Variants in DDAH1 observed in about 807,000 individuals in gnomAD.
DDAH1 encodes N(G),N(G)-dimethylarginine dimethylaminohydrolase 1.
A neutral mutation model predicts 28.8 loss-of-function variants in DDAH1; 19 were observed. That is an observed-to-expected ratio of 0.66 (90% CI 0.46 to 0.97). DDAH1 has a LOEUF of 0.97. Ranked by LOEUF, DDAH1 falls within the 50% of genes least tolerant of loss-of-function variation. The pLI, the probability that DDAH1 is intolerant of heterozygous loss-of-function variation, is 0.00. For synonymous variants in DDAH1, 153 were observed against 154.4 expected, an observed-to-expected ratio of 0.99 and a Z score of 0.07; for missense variants, 326 against 375.9, an observed-to-expected ratio of 0.87 and a Z score of 1.10.
chr1:85,454,960 C>A (rs574204342), intron 1 of DDAH1, among the ~76,000 whole-genome samples: 7 of 152,292 alleles, frequency 4.6e-5, no homozygotes, highest in Admixed American at 4.6e-4. Flanking sequence ...AACCTTTCGA[C>A]TAGGGCCCTT....
At chr1:85,532,560 T>G (rs1658127206) in intron 1 of DDAH1, among the ~76,000 whole-genome samples, 1 of 151,918 alleles carries the variant, frequency 6.6e-6, no homozygotes, top group African/African-American at 2.4e-5. Flanking sequence ...ACCTAGATTA[T>G]CTTATTTCAC....
intron 1 of DDAH1, among the ~76,000 whole-genome samples, chr1:85,461,964 C>A (rs1171325035): frequency 6.6e-6 from 1 of 152,078 alleles, no homozygotes; most frequent in East Asian, 1.9e-4. Context: ...ATAACCCTGG[C>A]CAATTTATTT....
intron 1 of DDAH1, among the ~76,000 whole-genome samples, chr1:85,386,712 G>A (rs1056995696): frequency 5.3e-5 from 8 of 152,242 alleles, no homozygotes; most frequent in African/African-American, 1.9e-4. Context: ...CTCTGTGTAG[G>A]GGGCTTTTAC....
intron 1 of DDAH1, among the ~76,000 whole-genome samples, chr1:85,513,765 C>T (rs1205713670): frequency 5.3e-5 from 8 of 152,234 alleles, no homozygotes; most frequent in Non-Finnish European, 1.0e-4. Flanking sequence ...CTCATCATCA[C>T]TGGTCATCAG....
At chr1:85,466,660 T>G (rs1655392498), upstream of DDAH1, among the ~76,000 whole-genome samples, 1 of 152,240 alleles carries the variant, frequency 6.6e-6, no homozygotes, top group East Asian at 1.9e-4. Context: ...AGCAAAATTC[T>G]TAGGGGATCC....
At chr1:85,393,220 C>T (rs1432146319) in intron 1 of DDAH1, among the ~76,000 whole-genome samples, 1 of 152,058 alleles carries the variant, frequency 6.6e-6, no homozygotes, top group Non-Finnish European at 1.5e-5. Flanking sequence ...CTTAAAATAC[C>T]CCTCTGAAGG....
intron 1 of DDAH1, among the ~76,000 whole-genome samples, chr1:85,359,329 G>A (rs1019163170): frequency 3.9e-5 from 6 of 152,092 alleles, no homozygotes; most frequent in Non-Finnish European, 4.4e-5. Flanking sequence ...AGGCTGACTA[G>A]TTAGGGCACA....
At chr1:85,415,224 CAGA>C (rs1477191188) in intron 1 of DDAH1, among the ~76,000 whole-genome samples, 1 of 151,982 alleles carries the variant, frequency 6.6e-6, no homozygotes, top group East Asian at 1.9e-4. Flanking sequence ...CTATGTTGGC[CAGA>C]ATGGTCTCAA....
intron 1 of DDAH1, among the ~76,000 whole-genome samples, chr1:85,575,118 C>T (rs1659565974): frequency 1.3e-5 from 2 of 152,112 alleles, no homozygotes; most frequent in Admixed American, 1.3e-4. Flanking sequence ...GTAGTCCCAG[C>T]TACTCAGGAG....
At chr1:85,481,091 G>GTTTTT (rs779581650) in intron 2 of DDAH1, among the ~76,000 whole-genome samples, 3 of 92,010 alleles carry the variant, frequency 3.3e-5, no homozygotes, top group African/African-American at 9.2e-5. Context: ...ATTTCTTTGG[G>GTTTTT]TTTTTTGTTT....
At chr1:85,420,414 A>ATGAGCATAGGC (rs1553132763) in intron 1 of DDAH1, among the ~76,000 whole-genome samples, 1 of 152,194 alleles carries the variant, frequency 6.6e-6, no homozygotes, top group Non-Finnish European at 1.5e-5. Flanking sequence ...GCTCCTGCAT[A>ATGAGCATAGGC]TGAGCATAGG....
chr1:85,404,677 C>T (rs888086522), intron 1 of DDAH1: 22 of 412,992 alleles, frequency 5.3e-5, no homozygotes, highest in African/African-American at 3.1e-4. Flanking sequence ...AATAGCTTTT[C>T]CGTTCTTGGT....
chr1:85,394,837 A>G (rs1382829107), intron 1 of DDAH1, among the ~76,000 whole-genome samples: 1 of 152,242 alleles, frequency 6.6e-6, no homozygotes, highest in African/African-American at 2.4e-5. Context: ...ATTAAGTAAC[A>G]TTCCTGAAAT....
At position 85,535,465 on chromosome 1, in the gene DDAH1, G is replaced by A. The variant is rs533281769; in HGVS notation, c.-122-39184C>T. 1.9e-5 allele frequency among the ~76,000 whole-genome samples: 2 copies of A among 103,642 alleles called. 1 individual carries two copies. Among genetic ancestry groups the A allele is most frequent in the South Asian group, 8.0e-4 (2 of 2,510 alleles). 68.0% of individuals were successfully genotyped at this position (103,642 alleles called of 152,430 possible). On this transcript the variant is annotated intron_variant, in intron 1 of 6. Coordinates refer to the DDAH1 transcript ENST00000426972. ...ACAGTTGCTCACTTACCAAACCAAC[G>A]TTATGAGACTATCCCCAGTGTTGTA...
At chr1:85,446,499 C>T (rs1654432096) in intron 1 of DDAH1, among the ~76,000 whole-genome samples, 1 of 152,184 alleles carries the variant, frequency 6.6e-6, no homozygotes, top group Non-Finnish European at 1.5e-5. Context: ...TATCAATTGT[C>T]TACTGGTGGG....
chr1:85,408,120 C>A (rs988531746), intron 1 of DDAH1, among the ~76,000 whole-genome samples: 3 of 152,152 alleles, frequency 2.0e-5, no homozygotes, highest in Non-Finnish European at 4.4e-5. Flanking sequence ...TAAAAATAAT[C>A]CATGAAACCA....
At chr1:85,412,263 A>G (rs909676739) in intron 1 of DDAH1, among the ~76,000 whole-genome samples, 7 of 152,262 alleles carry the variant, frequency 4.6e-5, no homozygotes, top group African/African-American at 1.7e-4. Context: ...TAGAGGCTCT[A>G]ACGCTATTTG....
At chr1:85,349,280 T>C (rs1649052340) in intron 4 of DDAH1, among the ~76,000 whole-genome samples, 1 of 152,194 alleles carries the variant, frequency 6.6e-6, no homozygotes. Context: ...AGATACCGTT[T>C]GGGAAGAGGT....
At chr1:85,482,376 A>C (rs1656039112) in intron 2 of DDAH1, 2 of 152,222 alleles carry the variant, frequency 1.3e-5, no homozygotes, top group South Asian at 4.1e-4. Flanking sequence ...GGAAGGGTCA[A>C]TTTGTCAAAA....
Sources: gnomAD v4.1 joint callset for allele counts (sites outside exome capture counted in the v4.1 genomes callset) on GRCh38, gnomAD v4.1.1 for gene constraint, MANE v1.5 for transcripts, NCBI Gene and HGNC (gene_info 2026-07-23, HGNC 2026-07-21) for gene names.